LRRC7: variants seen among roughly 807,000 people sequenced by gnomAD.
The protein encoded by LRRC7 is leucine rich repeat containing 7.
Under a neutral mutation model 175.7 loss-of-function variants are expected in LRRC7, and 23 were observed. The observed-to-expected ratio is 0.13, with a 90% confidence interval of 0.09 to 0.19. The LOEUF (loss-of-function observed/expected upper bound fraction) is 0.19. Ranked by LOEUF, LRRC7 falls within the 10% of genes least tolerant of loss-of-function variation. LRRC7 has a pLI of 1.00. For synonymous variants in LRRC7, 685 were observed against 680.9 expected, an observed-to-expected ratio of 1.01 and a Z score of -0.09; for missense variants, 1,354 against 1,904.7, an observed-to-expected ratio of 0.71 and a Z score of 5.38.
chr1:70,040,779 C>T (rs1156349240), intron 21 of LRRC7, among the ~76,000 whole-genome samples: 1 of 151,934 alleles, frequency 6.6e-6, no homozygotes, highest in African/African-American at 2.4e-5. Flanking sequence ...ACACCACTGC[C>T]CTCCAGCCTG....
intron 23 of LRRC7, among the ~76,000 whole-genome samples, chr1:70,073,101 T>C (rs749334960): frequency 6.6e-6 from 1 of 152,144 alleles, no homozygotes; most frequent in East Asian, 1.9e-4. Context: ...CTCAGCAAAA[T>C]TGGATAATAA....
intron 1 of LRRC7, among the ~76,000 whole-genome samples, chr1:69,632,977 T>C (rs1423076793): frequency 2.6e-5 from 4 of 152,138 alleles, no homozygotes; most frequent in Admixed American, 6.5e-5. Flanking sequence ...TAATACTTTG[T>C]AATTTTAATG....
intron 3 of LRRC7, among the ~76,000 whole-genome samples, chr1:69,790,949 G>A (rs1343475037): frequency 6.6e-6 from 1 of 151,882 alleles, no homozygotes; most frequent in Admixed American, 6.6e-5. Flanking sequence ...TTTTTTAAAG[G>A]CTAATGAGTT....
chr1:69,854,353 A>C (rs1683341933), intron 7 of LRRC7, among the ~76,000 whole-genome samples: 1 of 152,118 alleles, frequency 6.6e-6, no homozygotes, highest in African/African-American at 2.4e-5. Flanking sequence ...AAATTTAAAA[A>C]TTAGCCAAGC....
intron 7 of LRRC7, among the ~76,000 whole-genome samples, chr1:69,850,935 C>T (rs1052580092): frequency 2.6e-5 from 4 of 151,888 alleles, no homozygotes; most frequent in African/African-American, 7.3e-5. Flanking sequence ...AGGGAGAGAA[C>T]ACAAATAGAG....
intron 11 of LRRC7, among the ~76,000 whole-genome samples, chr1:70,009,626 A>G (rs1404235496): frequency 1.3e-5 from 2 of 152,344 alleles, no homozygotes; most frequent in South Asian, 2.1e-4. Context: ...GAGCCACTGC[A>G]TGAGGCAGGC....
At chr1:69,963,590 T>C (rs147333722) in intron 8 of LRRC7, among the ~76,000 whole-genome samples, 112 of 152,312 alleles carry the variant, frequency 7.4e-4, no homozygotes, top group African/African-American at 2.5e-3. Context: ...ACAGTGTAGA[T>C]AGAAGATGGA....
intron 2 of LRRC7, among the ~76,000 whole-genome samples, chr1:69,742,645 T>C (rs1668835154): frequency 6.6e-6 from 1 of 151,954 alleles, no homozygotes; most frequent in African/African-American, 2.4e-5. Context: ...TACTAAATTT[T>C]GCAGTAGCAT....
intron 8 of LRRC7, among the ~76,000 whole-genome samples, chr1:69,943,444 G>A (rs1310166614): frequency 1.3e-5 from 2 of 152,002 alleles, no homozygotes; most frequent in African/African-American, 4.8e-5. Flanking sequence ...TGCTTTCCAG[G>A]GTCCAGAGGG....
At chr1:69,795,882 G>C (rs1238286209) in intron 4 of LRRC7, among the ~76,000 whole-genome samples, 1 of 150,528 alleles carries the variant, frequency 6.6e-6, no homozygotes, top group East Asian at 1.9e-4. Flanking sequence ...AAAGATATCT[G>C]CACAATTTGA....
rs1332328376 is a variant in LRRC7 at position 70,126,076 on chromosome 1, G to T, written c.*4189G>T. On this transcript the variant is annotated 3_prime_UTR_variant, in exon 27 of 27. Coordinates refer to ENST00000651989, the MANE Select transcript of LRRC7 (RefSeq NM_001370785.2). ...ACTAACTGTTAAGGACAGTCTTAAC[G>T]CTGTCCCTAACCAATTTCTACCCCT... 1.3e-5 allele frequency among the ~76,000 whole-genome samples: 2 copies of T among 151,922 alleles called. No individual in the cohort carries two copies. The highest frequency in any genetic ancestry group is 3.9e-4 in the East Asian group (2 of 5,180).
chr1:69,688,488 G>T (rs1661448495), intron 2 of LRRC7, among the ~76,000 whole-genome samples: 1 of 152,082 alleles, frequency 6.6e-6, no homozygotes, highest in Non-Finnish European at 1.5e-5. Context: ...TTAGAAATAA[G>T]ACAGGCGTCA....
At chr1:69,871,748 A>G (rs1370955395) in intron 7 of LRRC7, among the ~76,000 whole-genome samples, 1 of 151,986 alleles carries the variant, frequency 6.6e-6, no homozygotes, top group Non-Finnish European at 1.5e-5. Context: ...AACCCAACTT[A>G]TAGCAAAATC....
chr1:69,873,805 A>G (rs909232655), intron 7 of LRRC7: 1 of 156,670 alleles, frequency 6.4e-6, no homozygotes, highest in Non-Finnish European at 1.4e-5. Flanking sequence ...AATGAATATG[A>G]AATTTTATCA....
intron 2 of LRRC7, among the ~76,000 whole-genome samples, chr1:69,688,281 T>G (rs376397614): frequency 6.6e-6 from 1 of 152,302 alleles, no homozygotes; most frequent in African/African-American, 2.4e-5. Flanking sequence ...CCTTTTCCAA[T>G]TGACTTCACC....
At chr1:69,635,495 AATAAATGGT>A (rs1653193083) in intron 1 of LRRC7, among the ~76,000 whole-genome samples, 1 of 152,152 alleles carries the variant, frequency 6.6e-6, no homozygotes, top group Non-Finnish European at 1.5e-5. Flanking sequence ...AATCAGAGGT[AATAAATGGT>A]ATAGATAACC....
At chr1:69,613,553 A>G (rs1649142939) in intron 1 of LRRC7, among the ~76,000 whole-genome samples, 1 of 152,016 alleles carries the variant, frequency 6.6e-6, no homozygotes, top group Non-Finnish European at 1.5e-5. Flanking sequence ...GTTATTTACC[A>G]CAGTGTATTA....
intron 7 of LRRC7, among the ~76,000 whole-genome samples, chr1:69,859,306 G>A (rs147738439): frequency 7.8e-4 from 119 of 152,146 alleles, no homozygotes; most frequent in African/African-American, 2.6e-3. Flanking sequence ...ATTTTAATAC[G>A]TCTCATTTTG....
intron 8 of LRRC7, among the ~76,000 whole-genome samples, chr1:69,975,007 A>G (rs914854227): frequency 2.6e-5 from 4 of 152,356 alleles, no homozygotes; most frequent in African/African-American, 9.6e-5. Flanking sequence ...TTATTTATCC[A>G]TAAAGTGGGA....
Sources: allele counts gnomAD v4.1 joint callset (sites outside exome capture counted in the v4.1 genomes callset), GRCh38; gene constraint gnomAD v4.1.1; transcripts MANE v1.5; gene names NCBI Gene and HGNC (gene_info 2026-07-23, HGNC 2026-07-21).